Variants in LENG8 observed in about 807,000 individuals in gnomAD.
LENG8 encodes leukocyte receptor cluster (LRC) member 8.
Under a neutral mutation model 102.1 loss-of-function variants are expected in LENG8, and 28 were observed. That is an observed-to-expected ratio of 0.27 (90% CI 0.20 to 0.38). The LOEUF is 0.38. Ranked by LOEUF, LENG8 falls within the 10% of genes least tolerant of loss-of-function variation. LENG8 has a pLI of 1.00. For missense variants in LENG8, 1,022 were observed against 1,113.9 expected (o/e 0.92, Z 1.17); for synonymous variants, 531 against 456.7 (o/e 1.16, Z -2.07).
Position 54,453,595 on chromosome 19 carries a change from C to T in LENG8, c.365C>T (p.Ser122Phe), listed in dbSNP as rs763691355. 1.2e-5 allele frequency: 20 copies of T among 1,614,054 alleles called. 1 individual carries two copies. In the South Asian group the frequency reaches 2.2e-4, roughly 18 times the overall value. ...CCTTCCCAGTATGGGATGGCCGGCT[C>T]CTATGGCTCAGCCACACCCCAGCAG... ...GSPSQYGMAG[S>F]YGSATPQQPS... Residue 122 changes from serine (S) to phenylalanine (F), a missense_variant, in exon 5 of 16, where the codon TCC (serine) becomes TTC (phenylalanine). Physicochemically the swap from Ser to Phe is radical, Grantham distance 155. This residue lies in a region of LENG8 where 343 missense variants were observed against 320.2 expected (regional missense o/e 1.07). Transcript: ENST00000326764.
rs2084337687 is a variant in LENG8 at position 54,457,964 on chromosome 19, G to C, written c.1864G>C (p.Glu622Gln). The change falls in exon 13 of 16, where the codon GAG becomes CAG. Residue 622 changes from glutamate to glutamine, a missense_variant. Around this residue, in one of 7 missense-constraint regions of LENG8, gnomAD observed 158 missense variants for 229.0 expected, o/e 0.69. Coordinates refer to ENST00000326764, the MANE Select transcript of LENG8 (RefSeq NM_052925.4). ...VQGIRTEFTVEVYETHARIAL... is the reference protein window; with the variant it reads ...VQGIRTEFTVQVYETHARIAL... ...GGGCATCCGCACCGAGTTCACGGTG[G>C]AGGTGTACGAGACCCATGCCCGGAT... 9 of 1,613,864 alleles carry C rather than the reference G, an allele frequency of 5.6e-6. No homozygotes were observed. Among genetic ancestry groups the C allele is most frequent in the Non-Finnish European group, 7.6e-6 (9 of 1,180,048 alleles).
intron 15 of LENG8, chr19:54,459,081 C>T: frequency 7.2e-7 from 1 of 1,386,658 alleles, no homozygotes; most frequent in Non-Finnish European, 9.3e-7. Context: ...AGACATTGCG[C>T]CTGGCTTGCT....
intron 7 of LENG8, 92 bp downstream of exon 7, chr19:54,455,184 T>G: frequency 6.4e-7 from 1 of 1,567,098 alleles, no homozygotes; most frequent in Non-Finnish European, 8.8e-7. Context: ...ACCCTGAGCC[T>G]CAGTGTGCGC....
rs781176908 is a variant in LENG8, at chr19:54,453,599, T to C, written c.369T>C (p.Tyr123=). The C allele has an allele frequency of 6.2e-7, 1 of 1,614,032 alleles. No homozygotes were observed. Among genetic ancestry groups the C allele is most frequent in the Admixed American group, 1.7e-5 (1 of 60,006 alleles). Residue 123 remains tyrosine (Y), a synonymous_variant, in exon 5 of 16, where the codon TAT becomes TAC. Coordinates refer to ENST00000326764, the MANE Select transcript of LENG8 (RefSeq NM_052925.4). ...CCCAGTATGGGATGGCCGGCTCCTA[T>C]GGCTCAGCCACACCCCAGCAGCCAT... ...SPSQYGMAGS[Y]GSATPQQPSA...
Position 54,451,392 on chromosome 19 carries a change from G to T in LENG8, c.38+10G>T. 6.2e-7 allele frequency: 1 copy of T among 1,614,038 alleles called. No homozygotes were observed. The highest frequency in any genetic ancestry group is 8.5e-7 in the Non-Finnish European group (1 of 1,179,880). On this transcript the variant is annotated intron_variant, in intron 2 of 15. Coordinates refer to ENST00000326764, the MANE Select transcript of LENG8 (RefSeq NM_052925.4). Reference sequence around the variant, plus strand: ...AACGTAGCACAGATTGGTTAGTGAGGCGAGAGGGATGGAGGCCAGTCGGGA... The same window carrying T: ...AACGTAGCACAGATTGGTTAGTGAGTCGAGAGGGATGGAGGCCAGTCGGGA...
At position 54,456,661 on chromosome 19, in the gene LENG8, A is replaced by G. The variant is rs771185092; in HGVS notation, c.1471A>G (p.Ser491Gly). Residue 491 changes from serine to glycine, a missense_variant, in exon 11 of 16, where the codon AGT becomes GGT. Transcript: ENST00000326764. ...GCACGATCTGGCGCCCACCAAGCGC[A>G]GTCGAAAGAAGATGGCGGCGCTGGA... ...KRHDLAPTKRSRKKMAALECE... is the reference protein window; with the variant it reads ...KRHDLAPTKRGRKKMAALECE... 11 of 1,612,610 alleles carry G rather than the reference A, an allele frequency of 6.8e-6. No homozygotes were observed. Among genetic ancestry groups the G allele is most frequent in the African/African-American group, 1.3e-5 (1 of 75,024 alleles).
intron 1 of LENG8, among the ~76,000 whole-genome samples, chr19:54,450,622 T>C (rs1302264719): frequency 6.8e-6 from 1 of 147,568 alleles, no homozygotes; most frequent in Non-Finnish European, 1.5e-5. Flanking sequence ...CCCTAGCTTT[T>C]TTTTTTTTTT....
intron 6 of LENG8, 80 bp from the exon 7 acceptor site, chr19:54,454,871 A>G: frequency 6.3e-7 from 1 of 1,578,476 alleles, no homozygotes; most frequent in Non-Finnish European, 8.6e-7. Context: ...TCCTCCCTGC[A>G]TTTCCACTTC....
intron 15 of LENG8, 48 bp from the exon 16 acceptor site, chr19:54,460,718 T>TGGGCCG: frequency 9.5e-7 from 1 of 1,048,040 alleles, no homozygotes; most frequent in Non-Finnish European, 1.3e-6. Flanking sequence ...GGCCCTCCCC[T>TGGGCCG]GCCCTCCCGC....
At chr19:54,459,005 G>A (rs998963924) in intron 15 of LENG8, 4 of 1,440,670 alleles carry the variant, frequency 2.8e-6, no homozygotes, top group Admixed American at 5.6e-5. Flanking sequence ...CTGTGTTGAG[G>A]CCACACTGGG....
At chr19:54,460,444 C>G (rs962642740) in intron 15 of LENG8, 1 of 1,285,170 alleles carries the variant, frequency 7.8e-7, no homozygotes, top group African/African-American at 1.5e-5. Context: ...CATCCCCTGC[C>G]ACGTGCTGCT....
At position 54,461,501 on chromosome 19, in the gene LENG8, C is replaced by A. The variant is rs1236141923; in HGVS notation, c.*573C>A. The A allele has an allele frequency of 2.1e-6, 1 of 468,566 alleles. No individual in the cohort carries two copies. Among genetic ancestry groups the A allele is most frequent in the African/African-American group, 2.0e-5 (1 of 50,100 alleles). The allele number at this position is 468,566 out of a possible 1,614,324, so 29.0% of individuals were successfully genotyped here. The stretch of plus-strand genomic sequence containing the variant: ...CCCCACCCTGAAGTGCCAGCACCAC[C>A]AGCACCAGATCCTCCGCCGCCACAC... On this transcript the variant is annotated 3_prime_UTR_variant, in exon 16 of 16. Coordinates refer to ENST00000326764, the MANE Select transcript of LENG8 (RefSeq NM_052925.4).
chr19:54,462,007 A>T lies in LENG8; in HGVS notation c.*1079A>T. 2 of 1,446,728 alleles carry T rather than the reference A, an allele frequency of 1.4e-6. No individual in the cohort carries two copies. The highest frequency in any genetic ancestry group is 2.0e-5 in the Admixed American group (1 of 49,548). The allele number at this position is 1,446,728 out of a possible 1,614,324, so 89.6% of individuals were successfully genotyped here. The stretch of plus-strand genomic sequence containing the variant: ...TGAGAGAAACCAAAATTAAAGAGAG[A>T]AAGAGAGAGCGTGCACGCTCCTGCT... On this transcript the variant is annotated 3_prime_UTR_variant, in exon 16 of 16. Coordinates refer to ENST00000326764, the MANE Select transcript of LENG8 (RefSeq NM_052925.4).
chr19:54,450,521 C>G (rs1458341929), intron 1 of LENG8, among the ~76,000 whole-genome samples: 1 of 152,092 alleles, frequency 6.6e-6, no homozygotes, highest in Non-Finnish European at 1.5e-5. Context: ...TCTCGGAAAC[C>G]TTTCCACCCT....
chr19:54,455,421 G>A lies in LENG8; in HGVS notation c.879G>A (p.Met293Ile), dbSNP rs1466817247. The change falls in exon 8 of 16, where the codon ATG (methionine) becomes ATA (isoleucine). Residue 293 changes from methionine to isoleucine, a missense_variant. Met to Ile is a conservative substitution (Grantham distance 10). Coordinates refer to ENST00000326764, the MANE Select transcript of LENG8 (RefSeq NM_052925.4). ...SGKPDDWPQD[M>I]KEYVERCFTA... is the part of the protein sequence containing the mutation. ...AGCCGGATGACTGGCCCCAGGACAT[G>A]AAAGAGTATGTGGAGCGCTGCTTCA... 3 of 1,614,224 alleles carry A rather than the reference G, an allele frequency of 1.9e-6. No homozygotes were observed. Among genetic ancestry groups the A allele is most frequent in the Non-Finnish European group, 1.7e-6 (2 of 1,180,048 alleles).
intron 8 of LENG8, among the ~76,000 whole-genome samples, 172 bp downstream of exon 8, chr19:54,455,739 G>A (rs941325512): frequency 6.6e-6 from 1 of 152,100 alleles, no homozygotes; most frequent in African/African-American, 2.4e-5. Context: ...CGGTGGGGTG[G>A]GGTGGGGACC....
rs1366200221 is a variant in LENG8 at position 54,451,399 on chromosome 19, G to A, written c.38+17G>A. ...CACAGATTGGTTAGTGAGGCGAGAG[G>A]GATGGAGGCCAGTCGGGAGGGAAAG... On this transcript the variant is annotated intron_variant, in intron 2 of 15. Coordinates refer to ENST00000326764, the MANE Select transcript of LENG8 (RefSeq NM_052925.4). 8 of 1,613,754 alleles carry A rather than the reference G, an allele frequency of 5.0e-6. No homozygotes were observed. Among genetic ancestry groups the A allele is most frequent in the Non-Finnish European group, 6.8e-6 (8 of 1,179,644 alleles).
At position 54,457,495 on chromosome 19, in the gene LENG8, T is replaced by C. The variant is rs577993513; in HGVS notation, c.1732-252T>C. ...GGCTGGGATTACAGGCGTCTGCCAC[T>C]ACGCCTGGCTGATTTTTGTATTTTT... On this transcript the variant is annotated intron_variant, in intron 11 of 15. Transcript: ENST00000326764. Among the ~76,000 whole-genome samples the C allele has an allele frequency of 5.3e-5, 8 of 152,254 alleles. No individual in the cohort carries two copies. The East Asian group carries it at 1.2e-3, about 22-fold the overall frequency.
intron 2 of LENG8, 131 bp downstream of exon 2, chr19:54,451,513 T>A: frequency 1.1e-6 from 1 of 913,594 alleles, no homozygotes; most frequent in Non-Finnish European, 1.8e-6. Context: ...GTGGGGGTGG[T>A]GGTGAGGCAA....
Sources: gnomAD v4.1 joint callset for allele counts (sites outside exome capture counted in the v4.1 genomes callset) on GRCh38, gnomAD v4.1.1 for gene constraint, gnomAD v4.1.1 regional missense constraint, MANE v1.5 for transcripts, NCBI Gene and HGNC (gene_info 2026-07-23, HGNC 2026-07-21) for gene names.